The following CERT1 variants were observed in gnomAD, a reference collection of about 807,000 sequenced individuals.
The protein encoded by CERT1 is ceramide transporter 1.
A neutral mutation model predicts 87.9 loss-of-function variants in CERT1; 31 were observed. The observed-to-expected ratio is 0.35, with a 90% CI of 0.27 to 0.48. CERT1 has a LOEUF of 0.48. Among genes scored for constraint, CERT1 ranks in the 20% least tolerant of loss-of-function variants. The pLI, the probability that CERT1 is intolerant of heterozygous loss-of-function variation, is 0.99. For synonymous variants in CERT1, 289 were observed against 250.9 expected (o/e 1.15, Z -1.44); for missense variants, 487 against 758.0 (o/e 0.64, Z 4.20).
At chr5:75,509,247 C>A (rs998738873) in intron 1 of CERT1, among the ~76,000 whole-genome samples, 11 of 152,026 alleles carry the variant, frequency 7.2e-5, no homozygotes, top group Non-Finnish European at 1.6e-4. Context: ...CGAGTTCTGA[C>A]CTTTGTTTAA....
intron 2 of CERT1, among the ~76,000 whole-genome samples, chr5:75,474,938 C>A (rs1765893613): frequency 6.6e-6 from 1 of 151,306 alleles, no homozygotes; most frequent in African/African-American, 2.4e-5. Context: ...TAATAGACTA[C>A]ATGAGATTAT....
At chr5:75,384,752 C>T in intron 13 of CERT1, 40 bp from the exon 14 acceptor site, 1 of 1,263,502 alleles carries the variant, frequency 7.9e-7, no homozygotes, top group Non-Finnish European at 1.2e-6. Context: ...ATTATCTTTT[C>T]CTAGAATGTG....
chr5:75,407,719 C>A (rs1392184375), intron 8 of CERT1, among the ~76,000 whole-genome samples: 1 of 152,104 alleles, frequency 6.6e-6, no homozygotes, highest in Non-Finnish European at 1.5e-5. Flanking sequence ...ACAACCATTT[C>A]AGTACTGACT....
intron 6 of CERT1, among the ~76,000 whole-genome samples, chr5:75,418,042 G>A (rs979149568): frequency 6.6e-6 from 1 of 152,174 alleles, no homozygotes; most frequent in Non-Finnish European, 1.5e-5. Flanking sequence ...TGTAATCCCA[G>A]CTACTCAGGA....
chr5:75,432,857 CTTGAG>C (rs1172750763), intron 3 of CERT1, among the ~76,000 whole-genome samples: 3 of 152,210 alleles, frequency 2.0e-5, no homozygotes, highest in Admixed American at 6.5e-5. Context: ...TTTAATCCAT[CTTGAG>C]TTAATTTTTG....
At chr5:75,487,721 A>C (rs1047370036) in intron 2 of CERT1, among the ~76,000 whole-genome samples, 2 of 152,070 alleles carry the variant, frequency 1.3e-5, no homozygotes, top group African/African-American at 4.8e-5. Context: ...ATATGAGAAA[A>C]GGTATTCAAC....
At chr5:75,410,207 AAGG>A (rs1762873062) in intron 8 of CERT1, among the ~76,000 whole-genome samples, 1 of 152,190 alleles carries the variant, frequency 6.6e-6, no homozygotes, top group South Asian at 2.1e-4. Context: ...TATACATGTG[AAGG>A]AGATTTTATT....
intron 3 of CERT1, among the ~76,000 whole-genome samples, chr5:75,446,288 C>G (rs994273924): frequency 2.6e-5 from 4 of 152,176 alleles, no homozygotes; most frequent in African/African-American, 9.7e-5. Context: ...TTGAATACCT[C>G]TAGTGAATTT....
intron 1 of CERT1, among the ~76,000 whole-genome samples, chr5:75,508,952 T>G (rs1767786612): frequency 6.6e-6 from 1 of 152,082 alleles, no homozygotes; most frequent in African/African-American, 2.4e-5. Context: ...AAGGCATGCA[T>G]CTTTTCCCCA....
intron 2 of CERT1, among the ~76,000 whole-genome samples, chr5:75,494,638 A>G (rs1766973230): frequency 6.6e-6 from 1 of 152,202 alleles, no homozygotes; most frequent in Non-Finnish European, 1.5e-5. Flanking sequence ...TCTCCATTCC[A>G]GGAGGTATCC....
intron 3 of CERT1, among the ~76,000 whole-genome samples, chr5:75,437,768 T>TA (rs201506124): frequency 2.0e-3 from 223 of 110,644 alleles, no homozygotes; most frequent in East Asian, 2.9e-3. Flanking sequence ...TCTGTCTCAT[T>TA]AAAAAAAAAA....
At chr5:75,414,272 TGAAGGAACC>T (rs1212436695) in intron 7 of CERT1, among the ~76,000 whole-genome samples, 7 of 152,154 alleles carry the variant, frequency 4.6e-5, no homozygotes, top group African/African-American at 1.7e-4. Context: ...GGAAGGAGCA[TGAAGGAACC>T]TTCTAGGGTG....
chr5:75,453,299 T>A (rs1764835031), intron 3 of CERT1, among the ~76,000 whole-genome samples: 1 of 152,178 alleles, frequency 6.6e-6, no homozygotes, highest in Non-Finnish European at 1.5e-5. Flanking sequence ...CTGTAAATTA[T>A]TTCAAATAAA....
intron 8 of CERT1, among the ~76,000 whole-genome samples, chr5:75,410,464 G>GC (rs1319001305): frequency 6.6e-6 from 1 of 152,026 alleles, no homozygotes; most frequent in African/African-American, 2.4e-5. Context: ...AAAAAAATTA[G>GC]CCAGGCGTGG....
chr5:75,399,294 T>C lies in CERT1; in HGVS notation c.1188+16A>G, dbSNP rs368886922. Reference sequence around the variant, plus strand: ...CACAGAAAGACTCAAGTCCACTCTATACATTCATACAGTACCTGGGAGCTG... The same window carrying C: ...CACAGAAAGACTCAAGTCCACTCTACACATTCATACAGTACCTGGGAGCTG... On this transcript the variant is annotated intron_variant, in intron 11 of 16. Coordinates refer to ENST00000643780, the MANE Select transcript of CERT1 (RefSeq NM_001379029.1). 4 of 1,571,956 alleles carry C rather than the reference T, an allele frequency of 2.5e-6. No individual in the cohort carries two copies. The African/African-American group carries it at 4.1e-5, about 16-fold the overall frequency.
In CERT1 at chr5:75,500,673, C is replaced by T. The variant is rs1767316021; in HGVS notation, c.231+5309G>A. 4.6e-5 allele frequency among the ~76,000 whole-genome samples: 7 copies of T among 152,154 alleles called. 1 individual carries two copies. In the South Asian group the frequency reaches 1.5e-3, roughly 32 times the overall value. On this transcript the variant is annotated intron_variant, in intron 2 of 16. Coordinates refer to ENST00000643780, the MANE Select transcript of CERT1 (RefSeq NM_001379029.1). ...TCTAGTGCTTTTATTTGCTGCATAC[C>T]TTCCTCTCTTTCCTTTAGTTCTCAC...
In CERT1 at chr5:75,382,035, C is replaced by T. The variant is rs550426810; in HGVS notation, c.1531G>A (p.Val511Ile). ...ASQRDVLYLS[V>I]IRKIPALTEN... ...GTCAAGGCTGGTATCTTTCGAATGA[C>T]AGAAAGATATAATACGTCTCGCTGA... The change falls in exon 15 of 17, where the codon GTC becomes ATC. Residue 511 changes from valine (V) to isoleucine (I), a missense_variant. This residue lies in a region of CERT1 where 147 missense variants were observed against 200.8 expected (regional missense o/e 0.73). Transcript: ENST00000643780. 6.2e-6 allele frequency: 10 copies of T among 1,613,688 alleles called. No homozygotes were observed. The South Asian group carries it at 8.8e-5, about 14-fold the overall frequency.
chr5:75,459,096 T>C lies in CERT1; in HGVS notation c.317A>G (p.Gln106Arg), dbSNP rs1340953419. ...YLRAQDPDHR[Q>R]QWIDAIEQHK... is the part of the protein sequence containing the mutation. ...CTGTTCAATGGCATCTATCCATTGC[T>C]GTCTATGATCTGGATCCTGAGCACG... The change falls in exon 3 of 17, where the codon CAG becomes CGG. Residue 106 changes from glutamine to arginine, a missense_variant. Gln to Arg is a conservative substitution (Grantham distance 43, BLOSUM62 1). Coordinates refer to ENST00000643780, the MANE Select transcript of CERT1 (RefSeq NM_001379029.1). 3 of 1,609,518 alleles carry C rather than the reference T, an allele frequency of 1.9e-6. No homozygotes were observed. The highest frequency in any genetic ancestry group is 1.7e-5 in the Admixed American group (1 of 59,986).
chr5:75,368,595 A>C (rs1305996355), exon 18 of CERT1: 1 of 152,210 alleles, frequency 6.6e-6, no homozygotes, highest in Non-Finnish European at 1.5e-5. Flanking sequence ...AAAATCTGGG[A>C]TAAAATCCTT....
Sources: gnomAD v4.1 joint callset for allele counts (sites outside exome capture counted in the v4.1 genomes callset) on GRCh38, gnomAD v4.1.1 for gene constraint, gnomAD v4.1.1 regional missense constraint, MANE v1.5 for transcripts, NCBI Gene and HGNC (gene_info 2026-07-23, HGNC 2026-07-21) for gene names.